The following ARHGEF5 variants were observed in gnomAD, a reference collection of about 807,000 sequenced individuals.
ARHGEF5 encodes the protein Rho guanine nucleotide exchange factor (GEF) 5.
ARHGEF5 carries 11 observed loss-of-function variants against 104.0 expected under a neutral mutation model. That is an observed-to-expected ratio of 0.11 (90% confidence interval 0.07 to 0.18). The LOEUF is 0.18. Among genes scored for constraint, ARHGEF5 ranks in the 10% least tolerant of loss-of-function variants. The pLI is 1.00. For missense variants in ARHGEF5, 165 were observed against 1,335.4 expected (o/e 0.12, Z 13.66); for synonymous variants, 60 against 512.2 (o/e 0.12, Z 11.92).
chr7:144,373,966 C>T (rs2053741986), intron 10 of ARHGEF5, among the ~76,000 whole-genome samples: 2 of 111,484 alleles, frequency 1.8e-5, no homozygotes, highest in East Asian at 2.5e-4. Flanking sequence ...CTTGGCCTCC[C>T]GAGTAGCTGG....
At chr7:144,379,635 T>G (rs1435772849) in intron 14 of ARHGEF5, among the ~76,000 whole-genome samples, 1 of 152,214 alleles carries the variant, frequency 6.6e-6, no homozygotes, top group East Asian at 1.9e-4. Context: ...GGTCACATTT[T>G]GAGGTATAGA....
At chr7:144,377,887 C>T (rs189310966) in intron 13 of ARHGEF5, among the ~76,000 whole-genome samples, 149 of 152,336 alleles carry the variant, frequency 9.8e-4, no homozygotes, top group Admixed American at 9.7e-3. Flanking sequence ...CATCTGCTGG[C>T]TTCAGTTCCC....
intron 1 of ARHGEF5, among the ~76,000 whole-genome samples, chr7:144,359,957 A>G (rs1294194239): frequency 1.4e-5 from 2 of 141,176 alleles, no homozygotes; most frequent in Admixed American, 1.4e-4. Context: ...CGGTAGCAGC[A>G]TGCACCAGTG....
intron 13 of ARHGEF5, 149 bp downstream of exon 13, chr7:144,377,339 TA>T: frequency 7.0e-7 from 1 of 1,427,296 alleles, no homozygotes; most frequent in Non-Finnish European, 9.4e-7. Flanking sequence ...CTCTAGAGCT[TA>T]AAAACCTGAA....
At chr7:144,357,881 C>A (rs1250987766) in intron 1 of ARHGEF5, among the ~76,000 whole-genome samples, 1 of 113,214 alleles carries the variant, frequency 8.8e-6, no homozygotes, top group Non-Finnish European at 1.8e-5. Flanking sequence ...AATCCCATGC[C>A]CTGGCTTTGC....
At chr7:144,377,531 G>T (rs1221888719) in intron 13 of ARHGEF5, among the ~76,000 whole-genome samples, 2 of 152,032 alleles carry the variant, frequency 1.3e-5, no homozygotes, top group Admixed American at 1.3e-4. Context: ...GCCTGACGGT[G>T]GTAGAAGGTG....
chr7:144,379,521 C>T (rs1388628125), intron 14 of ARHGEF5, among the ~76,000 whole-genome samples: 1 of 152,174 alleles, frequency 6.6e-6, no homozygotes, highest in Non-Finnish European at 1.5e-5. Flanking sequence ...AAGTTTTCCT[C>T]CTTTATATAG....
At chr7:144,378,934 C>A in intron 14 of ARHGEF5, 68 bp downstream of exon 14, 1 of 1,426,922 alleles carries the variant, frequency 7.0e-7, no homozygotes, top group Non-Finnish European at 9.9e-7. Context: ...AGTGTGTTCA[C>A]TTCCTGCAGC....
rs770944676 is a variant in ARHGEF5 at position 144,379,928 on chromosome 7, G to T, written c.4666G>T (p.Gly1556Trp). ...GWLEGVRLSD[G>W]ERGWFPVQQV... Reference sequence around the variant, plus strand: ...GCTGGAGGGCGTGAGGCTCTCAGACGGGGAGCGAGGCTGGTTTCCTGTGCA... The same window carrying T: ...GCTGGAGGGCGTGAGGCTCTCAGACTGGGAGCGAGGCTGGTTTCCTGTGCA... Residue 1556 changes from glycine to tryptophan, a missense_variant, in exon 15 of 15, where the codon GGG (glycine) becomes TGG (tryptophan). Gly to Trp is a radical substitution (Grantham distance 184). Coordinates refer to ENST00000056217, the MANE Select transcript of ARHGEF5 (RefSeq NM_005435.4). 2 of 1,614,192 alleles carry T rather than the reference G, an allele frequency of 1.2e-6. No individual in the cohort carries two copies. The highest frequency in any genetic ancestry group is 3.3e-5 in the Admixed American group (2 of 60,028).
intron 14 of ARHGEF5, 86 bp from the exon 15 acceptor site, chr7:144,379,813 T>A: frequency 6.5e-7 from 1 of 1,548,136 alleles, no homozygotes; most frequent in Non-Finnish European, 8.8e-7. Context: ...AGCCTGAGGA[T>A]TCAGAAAACT....
Position 144,380,132 on chromosome 7 carries a change from A to C in ARHGEF5, c.*76A>C. On this transcript the variant is annotated 3_prime_UTR_variant, in exon 15 of 15. Transcript: ENST00000056217. ...AGGGCTGGCCCCAGAACCCTGCAAG[A>C]GAGGCCTTCTGTGGATGGAGAACTA... 1 of 1,570,848 alleles carries C rather than the reference A, an allele frequency of 6.4e-7. No homozygotes were observed. Among genetic ancestry groups the C allele is most frequent in the South Asian group, 1.1e-5 (1 of 87,900 alleles).
At chr7:144,378,343 C>G (rs912868884) in intron 13 of ARHGEF5, among the ~76,000 whole-genome samples, 1 of 152,196 alleles carries the variant, frequency 6.6e-6, no homozygotes, top group Non-Finnish European at 1.5e-5. Flanking sequence ...GAATAAGACA[C>G]AGACTCAGAT....
In ARHGEF5 at chr7:144,378,800, C is replaced by G. The variant is rs749672327; in HGVS notation, c.4570C>G (p.Arg1524Gly). 1.2e-6 allele frequency: 2 copies of G among 1,614,002 alleles called. No individual in the cohort carries two copies. The highest frequency in any genetic ancestry group is 1.7e-6 in the Non-Finnish European group (2 of 1,179,974). The change falls in exon 14 of 15, where the codon CGA becomes GGA. Residue 1524 changes from arginine (R) to glycine (G), a missense_variant. Arg to Gly is a moderately radical substitution (Grantham distance 125). Transcript: ENST00000056217. The part of the protein sequence containing the change: ...QVQCLRAYKP[R>G]ENDELALEKA... ...ACAGTGCCTTCGAGCCTACAAGCCC[C>G]GAGAGAATGATGAATTGGCACTGGA...
chr7:144,377,927 C>T (rs2053773126), intron 13 of ARHGEF5, among the ~76,000 whole-genome samples: 1 of 152,158 alleles, frequency 6.6e-6, no homozygotes, highest in Non-Finnish European at 1.5e-5. Flanking sequence ...GAGCATTCTT[C>T]CTCCTTCATT....
chr7:144,377,267 G>T, intron 13 of ARHGEF5, 77 bp downstream of exon 13: 1 of 1,542,510 alleles, frequency 6.5e-7, no homozygotes, highest in Admixed American at 2.2e-5. Context: ...TTAAAGGGCT[G>T]GGTGGGAACT....
chr7:144,357,907 CA>C (rs2053610150), intron 1 of ARHGEF5, among the ~76,000 whole-genome samples: 1 of 121,300 alleles, frequency 8.2e-6, no homozygotes, highest in Non-Finnish European at 1.7e-5. Flanking sequence ...CACAGATAAA[CA>C]GTGATTATTC....
chr7:144,380,324 C>G lies in ARHGEF5; in HGVS notation c.*268C>G, dbSNP rs1303663331. The stretch of plus-strand genomic sequence containing the variant: ...GACCATTGGGGCCTGAGCCAAGGAA[C>G]TTTCCTTCTACTGCCTTATAGTGCT... On this transcript the variant is annotated 3_prime_UTR_variant, in exon 15 of 15. Coordinates refer to ENST00000056217, the MANE Select transcript of ARHGEF5 (RefSeq NM_005435.4). The G allele has an allele frequency of 2.6e-6, 1 of 387,054 alleles. No homozygotes were observed. The highest frequency in any genetic ancestry group is 4.8e-6 in the Non-Finnish European group (1 of 209,966). The allele number at this position is 387,054 out of a possible 1,614,324, so 24.0% of individuals were successfully genotyped here. A position where few individuals can be genotyped will look rare whatever the true frequency, so the allele number is the denominator to read the frequency against.
chr7:144,379,797 T>A, intron 14 of ARHGEF5, 102 bp from the exon 15 acceptor site: 1 of 1,464,476 alleles, frequency 6.8e-7, no homozygotes, highest in Non-Finnish European at 9.4e-7. Flanking sequence ...GCTCCCCAGT[T>A]CACTCAGCCT....
At chr7:144,376,969 G>A in intron 12 of ARHGEF5, 151 bp from the exon 13 acceptor site, 1 of 438,714 alleles carries the variant, frequency 2.3e-6, no homozygotes, top group Non-Finnish European at 4.2e-6. Context: ...TCAAGATTGT[G>A]TCATGTTTCC....
Sources: allele counts gnomAD v4.1 joint callset (sites outside exome capture counted in the v4.1 genomes callset), GRCh38; gene constraint gnomAD v4.1.1; transcripts MANE v1.5; gene names NCBI Gene and HGNC (gene_info 2026-07-23, HGNC 2026-07-21).